BMPER: variants seen among roughly 807,000 people sequenced by gnomAD.
BMPER encodes the protein BMP binding endothelial regulator, also known as BMP-binding endothelial regulator protein.
A neutral mutation model predicts 87.3 loss-of-function variants in BMPER; 45 were observed. The observed-to-expected ratio is 0.52, with a 90% CI of 0.41 to 0.66. The LOEUF is 0.66. BMPER is among the 30% of genes least tolerant of loss of function. BMPER has a pLI of 0.00. For synonymous variants in BMPER, 326 were observed against 316.2 expected, an observed-to-expected ratio of 1.03 and a Z score of -0.33; for missense variants, 784 against 867.5, an observed-to-expected ratio of 0.90 and a Z score of 1.21.
chr7:33,949,249 T>C (rs1488227114), intron 3 of BMPER, among the ~76,000 whole-genome samples: 1 of 152,212 alleles, frequency 6.6e-6, no homozygotes, highest in Non-Finnish European at 1.5e-5. Flanking sequence ...ATGTGTGTGC[T>C]TGGCTGCATA....
intron 13 of BMPER, among the ~76,000 whole-genome samples, chr7:34,116,243 A>G (rs1220013353): frequency 4.6e-5 from 7 of 152,230 alleles, no homozygotes; most frequent in Non-Finnish European, 4.4e-5. Context: ...GTAATAGGCA[A>G]TAGTAGTATA....
At position 34,153,413 on chromosome 7, in the gene BMPER, T is replaced by TAG; in HGVS notation, c.*141_*142insGA. The TAG allele has an allele frequency of 2.8e-6, 2 of 720,466 alleles. No homozygotes were observed. Among genetic ancestry groups the TAG allele is most frequent in the South Asian group, 1.8e-5 (1 of 54,376 alleles). 44.6% of individuals were successfully genotyped at this position (720,466 alleles called of 1,614,324 possible). A position where few individuals can be genotyped will look rare whatever the true frequency, so the allele number is the denominator to read the frequency against. On this transcript the variant is annotated 3_prime_UTR_variant, in exon 15 of 15. Coordinates refer to ENST00000649409, the MANE Select transcript of BMPER (RefSeq NM_001365308.1). ...GTATATATGTGTATATATATATAGA[T>TAG]ATATTCAAAAACATTGCATCATTTA...
At chr7:33,999,312 G>T (rs999326065) in intron 6 of BMPER, among the ~76,000 whole-genome samples, 7 of 152,192 alleles carry the variant, frequency 4.6e-5, no homozygotes, top group African/African-American at 1.7e-4. Flanking sequence ...AGATCTTGCA[G>T]CTAGTTTAAA....
chr7:34,138,423 G>C (rs570717754), intron 13 of BMPER, among the ~76,000 whole-genome samples: 2 of 152,314 alleles, frequency 1.3e-5, no homozygotes, highest in South Asian at 4.1e-4. Context: ...TAGTGGATGT[G>C]TGACAAAGCG....
At chr7:34,006,945 A>C (rs62449746) in intron 6 of BMPER, among the ~76,000 whole-genome samples, 22,441 of 152,116 alleles carry the variant, frequency 0.15, 1,836 homozygotes, top group Middle Eastern at 0.25. Flanking sequence ...TCTCTCATTC[A>C]CCTATTTCAA....
At position 34,118,575 on chromosome 7, in the gene BMPER, T is replaced by A. The variant is rs541019876; in HGVS notation, c.1746-24655T>A. ...AGTGCCTGTGTGGCATGTATGTGGTTTTCAAGGAAAATTTTCTGGACGGTG... is the reference window on the plus strand; with the variant it reads ...AGTGCCTGTGTGGCATGTATGTGGTATTCAAGGAAAATTTTCTGGACGGTG... On this transcript the variant is annotated intron_variant, in intron 13 of 14. Coordinates refer to ENST00000649409, the MANE Select transcript of BMPER (RefSeq NM_001365308.1). Among the ~76,000 whole-genome samples, 20 of 152,218 alleles carry A rather than the reference T, an allele frequency of 1.3e-4. 1 individual carries two copies. The East Asian group carries it at 3.9e-3, about 30-fold the overall frequency.
Position 34,143,232 on chromosome 7 carries a change from C to A in BMPER, c.1748C>A (p.Ser583Tyr). The A allele has an allele frequency of 6.2e-7, 1 of 1,613,904 alleles. No individual in the cohort carries two copies. Among genetic ancestry groups the A allele is most frequent in the Non-Finnish European group, 8.5e-7 (1 of 1,179,886 alleles). Residue 583 changes from serine to tyrosine, a missense_variant and splice_region_variant, in exon 14 of 15, where the codon TCC (serine) becomes TAC (tyrosine). By Grantham distance (144) the Ser-to-Tyr change is moderately radical. Transcript: ENST00000649409. ...TATCTCTCTTTTGGGTCCTATAGGT[C>A]CTGTGTGACAGACATGTGTGAATGT... is the stretch of plus-strand genomic sequence containing the variant. ...STVDYATFYRSCVTDMCECPV... is the reference protein window; with the variant it reads ...STVDYATFYRYCVTDMCECPV...
intron 3 of BMPER, among the ~76,000 whole-genome samples, chr7:33,951,295 G>A (rs761396422): frequency 6.6e-6 from 1 of 151,984 alleles, no homozygotes; most frequent in Non-Finnish European, 1.5e-5. Context: ...TGATCCACCC[G>A]CCTTGGCCTC....
At chr7:33,924,343 T>G (rs948327008) in intron 2 of BMPER, among the ~76,000 whole-genome samples, 14 of 152,276 alleles carry the variant, frequency 9.2e-5, no homozygotes, top group African/African-American at 2.7e-4. Flanking sequence ...TTATTTGACT[T>G]ACTTGAGCAA....
rs200451474 is a variant in BMPER at position 34,079,129 on chromosome 7, G to A, written c.1351G>A (p.Ala451Thr). The change falls in exon 12 of 15, where the codon GCG (alanine) becomes ACG (threonine). Residue 451 changes from alanine (A) to threonine (T), a missense_variant. By Grantham distance (58) the Ala-to-Thr change is moderately conservative. Transcript: ENST00000649409. ...NGSRIALPCR[A>T]PHFHIDLDGY... ...CTCGCGCATCGCGCTCCCCTGCCGC[G>A]CGCCACACTTCCACATCGACCTGGA... 1.6e-5 allele frequency: 26 copies of A among 1,613,752 alleles called. No homozygotes were observed. The highest frequency in any genetic ancestry group is 2.7e-5 in the African/African-American group (2 of 74,932).
At chr7:34,048,263 C>G (rs1425774017) in intron 7 of BMPER, among the ~76,000 whole-genome samples, 1 of 152,128 alleles carries the variant, frequency 6.6e-6, no homozygotes. Flanking sequence ...TAGGAGCTTT[C>G]TCCTCTTTGA....
chr7:34,004,373 G>C (rs2127937134), intron 6 of BMPER, among the ~76,000 whole-genome samples: 1 of 151,984 alleles, frequency 6.6e-6, no homozygotes, highest in African/African-American at 2.4e-5. Context: ...TCTGTAATAA[G>C]TCCAACCTCA....
chr7:33,916,120 A>G (rs1367960595), intron 2 of BMPER, among the ~76,000 whole-genome samples: 4 of 152,196 alleles, frequency 2.6e-5, no homozygotes, highest in East Asian at 1.9e-4. Flanking sequence ...GTCAACACCT[A>G]TGAAATGTGT....
intron 13 of BMPER, among the ~76,000 whole-genome samples, chr7:34,142,390 G>T (rs1583477429): frequency 6.6e-6 from 1 of 152,290 alleles, no homozygotes; most frequent in East Asian, 1.9e-4. Context: ...ACCATCCAGT[G>T]ACAGGCTCCG....
chr7:34,086,216 T>A, intron 13 of BMPER, 124 bp downstream of exon 13: 2 of 1,119,756 alleles, frequency 1.8e-6, no homozygotes, highest in Non-Finnish European at 2.6e-6. Context: ...GTAGGCATCT[T>A]CTTGCTGTCC....
chr7:34,048,970 C>G (rs1788067753), intron 7 of BMPER, among the ~76,000 whole-genome samples: 2 of 152,108 alleles, frequency 1.3e-5, no homozygotes, highest in African/African-American at 4.8e-5. Flanking sequence ...GAAACAGAGA[C>G]AAAAAAGCAA....
intron 13 of BMPER, among the ~76,000 whole-genome samples, chr7:34,123,324 C>T (rs747313977): frequency 3.3e-5 from 5 of 152,174 alleles, no homozygotes; most frequent in South Asian, 2.1e-4. Flanking sequence ...ACTAAGATTA[C>T]GTCCTTGTTA....
chr7:33,936,299 G>A (rs1020184923), intron 2 of BMPER, among the ~76,000 whole-genome samples: 8 of 152,184 alleles, frequency 5.3e-5, no homozygotes, highest in Non-Finnish European at 7.4e-5. Flanking sequence ...TGAGGCACTG[G>A]TAGTGCTTGC....
At chr7:34,088,880 A>C (rs966266897) in intron 13 of BMPER, among the ~76,000 whole-genome samples, 2 of 152,166 alleles carry the variant, frequency 1.3e-5, no homozygotes, top group Non-Finnish European at 2.9e-5. Flanking sequence ...TCTGTGGAAC[A>C]ATCTCAAAAT....
Sources: gnomAD v4.1 joint callset for allele counts (sites outside exome capture counted in the v4.1 genomes callset) on GRCh38, gnomAD v4.1.1 for gene constraint, MANE v1.5 for transcripts, NCBI Gene and HGNC (gene_info 2026-07-23, HGNC 2026-07-21) for gene names.